Variants in ZNF407 observed in about 807,000 individuals in gnomAD.
The protein encoded by ZNF407 is zinc finger protein 407.
A neutral mutation model predicts 131.2 loss-of-function variants in ZNF407; 17 were observed. That is an observed-to-expected ratio of 0.13 (90% confidence interval 0.09 to 0.19). ZNF407 has a LOEUF of 0.19. ZNF407 is among the 10% of genes least tolerant of loss of function. ZNF407 has a pLI of 1.00. For missense variants in ZNF407, 2,681 were observed against 2,830.6 expected (o/e 0.95, Z 1.20); for synonymous variants, 1,156 against 1,062.0 (o/e 1.09, Z -1.72).
intron 3 of ZNF407, among the ~76,000 whole-genome samples, chr18:74,776,539 T>C (rs559511777): frequency 6.6e-6 from 1 of 152,306 alleles, no homozygotes; most frequent in East Asian, 1.9e-4. Flanking sequence ...TCTACAGAAC[T>C]TCACTTTTTA....
intron 8 of ZNF407, among the ~76,000 whole-genome samples, chr18:75,023,990 C>G (rs1475830050): frequency 6.6e-6 from 1 of 152,048 alleles, no homozygotes; most frequent in African/African-American, 2.4e-5. Context: ...AAGTTTCGAT[C>G]TAGAGGCCTG....
chr18:75,032,068 G>A (rs1973246717), intron 8 of ZNF407, among the ~76,000 whole-genome samples: 1 of 152,170 alleles, frequency 6.6e-6, no homozygotes, highest in Non-Finnish European at 1.5e-5. Flanking sequence ...AGCCAGAATA[G>A]AAGTAGAGAC....
At chr18:75,022,532 C>T (rs1163286659) in intron 8 of ZNF407, among the ~76,000 whole-genome samples, 1 of 152,100 alleles carries the variant, frequency 6.6e-6, no homozygotes, top group Non-Finnish European at 1.5e-5. Context: ...TGAATTTACT[C>T]ATAATATTAG....
At chr18:74,909,077 A>C (rs1191427524) in intron 7 of ZNF407, among the ~76,000 whole-genome samples, 1 of 151,348 alleles carries the variant, frequency 6.6e-6, no homozygotes, top group Non-Finnish European at 1.5e-5. Flanking sequence ...TGTATAGAGT[A>C]ATTCTTTTTG....
At chr18:74,855,925 G>T (rs939724765) in intron 4 of ZNF407, among the ~76,000 whole-genome samples, 1 of 152,126 alleles carries the variant, frequency 6.6e-6, no homozygotes, top group Non-Finnish European at 1.5e-5. Context: ...ACACTGAAAG[G>T]CGTGTAGAGA....
chr18:74,996,866 T>A (rs1215401145), intron 8 of ZNF407, among the ~76,000 whole-genome samples: 2 of 152,270 alleles, frequency 1.3e-5, no homozygotes, highest in Non-Finnish European at 2.9e-5. Context: ...ACAATCATTT[T>A]TGTAGCTATC....
intron 1 of ZNF407, among the ~76,000 whole-genome samples, chr18:74,603,905 C>T (rs1982687151): frequency 1.3e-5 from 2 of 152,194 alleles, no homozygotes; most frequent in South Asian, 2.1e-4. Context: ...TATTAGTGGA[C>T]ATTAAGGATT....
At chr18:74,656,682 A>T (rs1985473486) in intron 3 of ZNF407, among the ~76,000 whole-genome samples, 1 of 152,198 alleles carries the variant, frequency 6.6e-6, no homozygotes, top group Non-Finnish European at 1.5e-5. Flanking sequence ...CAGGAGATCT[A>T]CAGTAATGAG....
intron 1 of ZNF407, among the ~76,000 whole-genome samples, chr18:74,602,165 A>G (rs1188200785): frequency 6.6e-6 from 1 of 152,196 alleles, no homozygotes; most frequent in East Asian, 1.9e-4. Context: ...AACTACCTGG[A>G]ATAAAACCCA....
At chr18:74,763,885 T>G (rs1969165955) in intron 3 of ZNF407, among the ~76,000 whole-genome samples, 1 of 151,346 alleles carries the variant, frequency 6.6e-6, no homozygotes, top group Admixed American at 6.6e-5. Context: ...AATTTTTTTT[T>G]TGTATTTTTA....
intron 7 of ZNF407, among the ~76,000 whole-genome samples, chr18:74,902,143 T>C (rs1971533932): frequency 6.6e-6 from 1 of 152,196 alleles, no homozygotes; most frequent in South Asian, 2.1e-4. Context: ...TTGGAGCAAT[T>C]CATCTATCAT....
chr18:74,897,022 T>G (rs750733898), intron 7 of ZNF407, among the ~76,000 whole-genome samples: 1 of 152,236 alleles, frequency 6.6e-6, no homozygotes, highest in Non-Finnish European at 1.5e-5. Flanking sequence ...AGTGTTACTT[T>G]CATATTCAGC....
intron 8 of ZNF407, among the ~76,000 whole-genome samples, chr18:74,945,429 C>G (rs762786597): frequency 1.3e-5 from 2 of 152,104 alleles, no homozygotes; most frequent in African/African-American, 2.4e-5. Context: ...GACAGCTCGC[C>G]CATTTTATTG....
intron 1 of ZNF407, among the ~76,000 whole-genome samples, chr18:74,614,203 G>A (rs1332965380): frequency 1.3e-5 from 2 of 152,160 alleles, no homozygotes; most frequent in African/African-American, 4.8e-5. Context: ...AGAAAGAAAA[G>A]TAAGTAGAAA....
chr18:74,858,620 G>A (rs1264613314), intron 4 of ZNF407, among the ~76,000 whole-genome samples: 1 of 152,176 alleles, frequency 6.6e-6, no homozygotes, highest in Non-Finnish European at 1.5e-5. Flanking sequence ...CTCGAGGCTT[G>A]CAGATCCTAG....
chr18:74,675,292 GA>G (rs36068043), intron 3 of ZNF407, among the ~76,000 whole-genome samples: 1 of 152,016 alleles, frequency 6.6e-6, no homozygotes, highest in Non-Finnish European at 1.5e-5. Flanking sequence ...ATCACTTACC[GA>G]AAAAGTACTT....
intron 4 of ZNF407, among the ~76,000 whole-genome samples, chr18:74,816,759 C>G (rs1338512087): frequency 6.6e-6 from 1 of 152,036 alleles, no homozygotes; most frequent in African/African-American, 2.4e-5. Context: ...TTTTAACTTG[C>G]AAATATATTA....
rs59466226 is a variant in ZNF407, at chr18:74,838,905, A to T, written c.4878-38292A>T. ...AATCATCTTTTTTTCACTATTGATT[A>T]TCTAGGAGTTATCTATTTTTAAATG... On this transcript the variant is annotated intron_variant, in intron 4 of 8. Transcript: ENST00000299687. Among the ~76,000 whole-genome samples the T allele has an allele frequency of 5.6e-3, 857 of 152,208 alleles. 10 individuals carry two copies. The highest frequency in any genetic ancestry group is 0.02 in the African/African-American group (834 of 41,536).
intron 3 of ZNF407, among the ~76,000 whole-genome samples, chr18:74,756,374 T>A (rs1326839677): frequency 6.6e-6 from 1 of 152,136 alleles, no homozygotes; most frequent in African/African-American, 2.4e-5. Flanking sequence ...GGAATTTTGA[T>A]AGGGATTGCA....
Sources: allele counts gnomAD v4.1 joint callset (sites outside exome capture counted in the v4.1 genomes callset), GRCh38; gene constraint gnomAD v4.1.1; transcripts MANE v1.5; gene names NCBI Gene and HGNC (gene_info 2026-07-23, HGNC 2026-07-21).